AATK: variants seen among roughly 807,000 people sequenced by gnomAD.
AATK encodes serine/threonine-protein kinase LMTK1.
AATK carries 91 observed loss-of-function variants against 114.3 expected under a neutral mutation model. That is an observed-to-expected ratio of 0.80 (90% CI 0.67 to 0.95). AATK has a LOEUF of 0.95. Among genes scored for constraint, AATK ranks in the 40% least tolerant of loss-of-function variants. The probability of loss-of-function intolerance (pLI) is 0.00; values close to 1 mark genes in which losing one functional copy is unlikely to be tolerated. For missense variants in AATK, 2,176 were observed against 1,965.2 expected (o/e 1.11, Z -2.03); for synonymous variants, 1,075 against 916.5 (o/e 1.17, Z -3.12).
At chr17:81,123,106 CA>C in intron 10 of AATK, 87 bp downstream of exon 10, 1 of 1,339,606 alleles carries the variant, frequency 7.5e-7, no homozygotes, top group Non-Finnish European at 9.6e-7. Context: ...GCTGGAACGC[CA>C]GGGGGTCAGG....
chr17:81,128,878 G>T, intron 3 of AATK: 1 of 1,168,660 alleles, frequency 8.6e-7, no homozygotes, highest in East Asian at 5.4e-5. Flanking sequence ...CACCAGGCAG[G>T]CAGTGTGGCT....
At chr17:81,141,054 C>T (rs1022003080) in intron 1 of AATK, among the ~76,000 whole-genome samples, 12 of 145,086 alleles carry the variant, frequency 8.3e-5, no homozygotes, top group African/African-American at 3.0e-4. Context: ...GACCGTGAGC[C>T]GTGGGGCCGT....
chr17:81,156,233 T>C (rs1193986668), intron 1 of AATK, among the ~76,000 whole-genome samples: 1 of 151,618 alleles, frequency 6.6e-6, no homozygotes, highest in Non-Finnish European at 1.5e-5. Flanking sequence ...ACAATGTATG[T>C]TACTATGTTA....
intron 1 of AATK, among the ~76,000 whole-genome samples, chr17:81,160,755 C>A (rs981283592): frequency 2.0e-5 from 3 of 152,348 alleles, no homozygotes; most frequent in African/African-American, 7.2e-5. Context: ...CTTGCCCTGG[C>A]GTGCACAGAG....
rs1261490834 is a variant in AATK, at chr17:81,122,025, G to A, written c.1911C>T (p.Ala637=). The A allele has an allele frequency of 2.5e-6, 4 of 1,600,368 alleles. No individual in the cohort carries two copies. In the African/African-American group the frequency reaches 5.3e-5, roughly 21 times the overall value. Residue 637 remains alanine (A), a synonymous_variant, in exon 11 of 14, where the codon GCC becomes GCT. Transcript: ENST00000326724. ...ACGTGCCCAGTGGGTCCTCGAAGAA[G>A]GCAGGACAGAAGGCGGCCACGCCCC... The part of the protein sequence containing the change: ...ADWGVAAFCP[A]FFEDPLGTSP...
chr17:81,138,910 C>G (rs150732412), intron 1 of AATK, among the ~76,000 whole-genome samples: 6 of 151,848 alleles, frequency 4.0e-5, no homozygotes, highest in African/African-American at 1.5e-4. Flanking sequence ...ACCACACATG[C>G]GTAGACAGAT....
intron 12 of AATK, 43 bp from the exon 13 acceptor site, chr17:81,119,623 AC>A: frequency 1.3e-6 from 2 of 1,510,626 alleles, no homozygotes; most frequent in Non-Finnish European, 1.8e-6. Context: ...ACAGCCTGGG[AC>A]CCCGGCCCGG....
chr17:81,130,308 A>G (rs1002002832), intron 3 of AATK, among the ~76,000 whole-genome samples: 6 of 152,246 alleles, frequency 3.9e-5, no homozygotes, highest in Admixed American at 2.6e-4. Flanking sequence ...GAGATCTGAT[A>G]GCTCTGGAGG....
intron 7 of AATK, chr17:81,125,828 T>C (rs780724721): frequency 1.4e-4 from 64 of 444,902 alleles, no homozygotes. Flanking sequence ...TGGGTTGGGG[T>C]TGGGGGCAGG....
intron 1 of AATK, among the ~76,000 whole-genome samples, chr17:81,146,221 C>T (rs1282876788): frequency 2.7e-5 from 4 of 149,412 alleles, no homozygotes; most frequent in Non-Finnish European, 5.9e-5. Context: ...ATTAGCTGGG[C>T]GTGGTGATGC....
At chr17:81,131,869 G>A in intron 2 of AATK, 1 of 1,309,744 alleles carries the variant, frequency 7.6e-7, no homozygotes, top group Non-Finnish European at 1.0e-6. Context: ...GGAGCCCAGA[G>A]CCAACCGGCC....
At position 81,122,248 on chromosome 17, in the gene AATK, T is replaced by C; in HGVS notation, c.1688A>G (p.Asp563Gly). 1 of 1,492,740 alleles carries C rather than the reference T, an allele frequency of 6.7e-7. No individual in the cohort carries two copies. 92.5% of individuals were successfully genotyped at this position (1,492,740 alleles called of 1,614,324 possible). ...SPPATADQDD[D>G]SDGSTAASLA... ...CGAGGCGGCGGTGCTGCCGTCAGAG[T>C]CGTCGTCCTGGTCCGCGGTGGCAGG... Residue 563 changes from aspartate (D) to glycine (G), a missense_variant, in exon 11 of 14, where the codon GAC (aspartate) becomes GGC (glycine). Asp to Gly is a moderately conservative substitution (Grantham distance 94, BLOSUM62 -1). Coordinates refer to ENST00000326724, the MANE Select transcript of AATK (RefSeq NM_001080395.3).
In AATK at chr17:81,125,975, G is replaced by T. The variant is rs535906385; in HGVS notation, c.755+452C>A. The T allele has an allele frequency of 1.7e-5, 8 of 478,492 alleles. No homozygotes were observed. The East Asian group carries it at 5.4e-4, about 32-fold the overall frequency. The allele number at this position is 478,492 out of a possible 1,614,324, so 29.6% of individuals were successfully genotyped here. On this transcript the variant is annotated intron_variant, in intron 7 of 13. Transcript: ENST00000326724. Reference sequence around the variant, plus strand: ...GGACAGCCGTGCGGCGTCTGGGGCTGACGGGGCCACGTGTCCTTCGCCACT... The same window carrying T: ...GGACAGCCGTGCGGCGTCTGGGGCTTACGGGGCCACGTGTCCTTCGCCACT...
At chr17:81,134,766 C>G (rs1377044057) in intron 1 of AATK, among the ~76,000 whole-genome samples, 1 of 152,226 alleles carries the variant, frequency 6.6e-6, no homozygotes, top group Non-Finnish European at 1.5e-5. Flanking sequence ...GCCCAGTTCC[C>G]AATTCTGGGG....
chr17:81,118,589 G>T, intron 13 of AATK, 147 bp from the exon 14 acceptor site: 3 of 795,732 alleles, frequency 3.8e-6, no homozygotes, highest in Non-Finnish European at 6.2e-6. Flanking sequence ...GGTGAGAGAT[G>T]GACCCATTTC....
chr17:81,128,568 T>A lies in AATK; in HGVS notation c.335-19A>T. ...AGCTGCACTGTAACCAAGCAGGGGG[T>A]TCAGGGACCCAGTGTGGCCTCCGCA... On this transcript the variant is annotated intron_variant, in intron 3 of 13. Coordinates refer to ENST00000326724, the MANE Select transcript of AATK (RefSeq NM_001080395.3). The A allele has an allele frequency of 6.5e-7, 1 of 1,547,986 alleles. No homozygotes were observed. Among genetic ancestry groups the A allele is most frequent in the Non-Finnish European group, 8.7e-7 (1 of 1,146,450 alleles).
rs1031641443 is a variant in AATK at position 81,121,778 on chromosome 17, C to T, written c.2158G>A (p.Glu720Lys). ...AGAGGCTCTCCAGGGTACCCCGGCTCGGGGGAGGCCCGTGGGGTCTGCTTT... is the reference window on the plus strand; with the variant it reads ...AGAGGCTCTCCAGGGTACCCCGGCTTGGGGGAGGCCCGTGGGGTCTGCTTT... ...SPKQTPRASP[E>K]PGYPGEPLLG... is the part of the protein sequence containing the mutation. The change falls in exon 11 of 14, where the codon GAG becomes AAG. Residue 720 changes from glutamate to lysine, a missense_variant. Physicochemically the swap from Glu to Lys is moderately conservative, Grantham distance 56. This residue lies in a region of AATK where 1,701 missense variants were observed against 1,394.7 expected (regional missense o/e 1.22). Coordinates refer to ENST00000326724, the MANE Select transcript of AATK (RefSeq NM_001080395.3). 3.2e-6 allele frequency: 5 copies of T among 1,545,454 alleles called. No homozygotes were observed. Among genetic ancestry groups the T allele is most frequent in the Admixed American group, 1.9e-5 (1 of 53,334 alleles).
At chr17:81,143,689 C>A (rs1567821567) in intron 1 of AATK, among the ~76,000 whole-genome samples, 1 of 152,226 alleles carries the variant, frequency 6.6e-6, no homozygotes, top group Non-Finnish European at 1.5e-5. Flanking sequence ...CCTGATGAGG[C>A]CAGGACTGTG....
At position 81,120,765 on chromosome 17, in the gene AATK, G is replaced by C. The variant is rs1352516992; in HGVS notation, c.3171C>G (p.Pro1057=). 1.9e-6 allele frequency: 3 copies of C among 1,574,990 alleles called. No homozygotes were observed. In the East Asian group the frequency reaches 7.0e-5, roughly 37 times the overall value. Residue 1057 remains proline (P), a synonymous_variant, in exon 11 of 14, where the codon CCC becomes CCG. Transcript: ENST00000326724. The part of the protein sequence containing the change: ...AQGSGPGEVL[P]PLLQLEGSSP... Reference sequence around the variant, plus strand: ...AGGACCCTTCAAGCTGCAGCAGTGGGGGCAGCACCTCCCCGGGGCCAGAGC... The same window carrying C: ...AGGACCCTTCAAGCTGCAGCAGTGGCGGCAGCACCTCCCCGGGGCCAGAGC...
Sources: gnomAD v4.1 joint callset for allele counts (sites outside exome capture counted in the v4.1 genomes callset) on GRCh38, gnomAD v4.1.1 for gene constraint, gnomAD v4.1.1 regional missense constraint, MANE v1.5 for transcripts, NCBI Gene and HGNC (gene_info 2026-07-23, HGNC 2026-07-21) for gene names.